Variants in PTGR1 observed in about 807,000 individuals in gnomAD.
The protein encoded by PTGR1 is prostaglandin reductase 1.
PTGR1 carries 23 observed loss-of-function variants against 37.7 expected under a neutral mutation model. The observed-to-expected ratio is 0.61, with a 90% CI of 0.44 to 0.86. PTGR1 has a LOEUF of 0.86. PTGR1 is among the 40% of genes least tolerant of loss of function. The pLI is 0.00. For synonymous variants in PTGR1, 134 were observed against 140.0 expected (o/e 0.96, Z 0.30); for missense variants, 351 against 394.3 (o/e 0.89, Z 0.93).
chr9:111,555,928 TAA>T (rs1373029616), intron 9 of PTGR1, among the ~76,000 whole-genome samples: 20 of 152,288 alleles, frequency 1.3e-4, no homozygotes, highest in African/African-American at 4.8e-4. Context: ...AACAGTCCCT[TAA>T]AGTCTTAACT....
chr9:111,586,390 G>A (rs546619345), intron 4 of PTGR1, among the ~76,000 whole-genome samples: 2 of 152,284 alleles, frequency 1.3e-5, no homozygotes, highest in Admixed American at 1.3e-4. Flanking sequence ...CTCATGGGGT[G>A]AGGAGCGCCT....
At chr9:111,590,837 G>A (rs1394310774) in intron 4 of PTGR1, among the ~76,000 whole-genome samples, 1 of 152,112 alleles carries the variant, frequency 6.6e-6, no homozygotes, top group African/African-American at 2.4e-5. Context: ...AGAATTATTT[G>A]TCATAGAAAA....
chr9:111,565,523 A>G (rs1016919559), intron 9 of PTGR1, among the ~76,000 whole-genome samples: 1 of 152,004 alleles, frequency 6.6e-6, no homozygotes, highest in Non-Finnish European at 1.5e-5. Context: ...TAAAACTTCT[A>G]TTTTTATTTT....
At chr9:111,551,663 A>G (rs376916205) in intron 9 of PTGR1, among the ~76,000 whole-genome samples, 8 of 152,058 alleles carry the variant, frequency 5.3e-5, no homozygotes, top group Non-Finnish European at 7.4e-5. Context: ...CGGCCTCCCA[A>G]AGTGCCGGGA....
At chr9:111,564,604 C>G (rs1828471499) in intron 9 of PTGR1, among the ~76,000 whole-genome samples, 1 of 151,940 alleles carries the variant, frequency 6.6e-6, no homozygotes. Context: ...CTGCGCCTGG[C>G]TGAGATTTGA....
rs189608968 is a variant in PTGR1 at position 111,587,185 on chromosome 9, T to C, written c.210-1020A>G. Among the ~76,000 whole-genome samples the C allele has an allele frequency of 5.3e-5, 8 of 152,266 alleles. No individual in the cohort carries two copies. The East Asian group carries it at 1.5e-3, about 29-fold the overall frequency. ...CTCATTGGTTCCCAGGGTACTGATC[T>C]CTGCTGGCTTTTTGCCTCCTCCTCT... On this transcript the variant is annotated intron_variant, in intron 4 of 9. Transcript: ENST00000407693.
At chr9:111,597,799 C>T (rs988725212) in intron 1 of PTGR1, among the ~76,000 whole-genome samples, 5 of 152,196 alleles carry the variant, frequency 3.3e-5, no homozygotes, top group Non-Finnish European at 5.9e-5. Context: ...GAACAGTTAC[C>T]GGAAGTGCGA....
At position 111,586,054 on chromosome 9, in the gene PTGR1, T is replaced by G. The variant is rs1829419453; in HGVS notation, c.321A>C (p.Thr107=). ...ACAGTGGTATTGTGTCTGGCCACTC[T>G]GTCAGCAGCTTTTCCAGATCTTTCC... ...SDGKDLEKLL[T]EWPDTIPLSL... is the part of the protein sequence containing the mutation. Residue 107 remains threonine (T), a synonymous_variant, in exon 5 of 10, where the codon ACA becomes ACC. Transcript: ENST00000407693. 2 of 1,614,242 alleles carry G rather than the reference T, an allele frequency of 1.2e-6. No homozygotes were observed. Among genetic ancestry groups the G allele is most frequent in the Non-Finnish European group, 8.5e-7 (1 of 1,180,044 alleles).
intron 1 of PTGR1, among the ~76,000 whole-genome samples, chr9:111,598,398 G>C (rs1030371463): frequency 6.6e-6 from 1 of 152,214 alleles, no homozygotes; most frequent in African/African-American, 2.4e-5. Flanking sequence ...GCCGCGGGAG[G>C]GGACACGGTG....
In PTGR1 at chr9:111,585,978, A is replaced by C; in HGVS notation, c.377+20T>G. On this transcript the variant is annotated intron_variant, in intron 5 of 9. Transcript: ENST00000407693. ...GAGTGTCAGACATTCAAACAAATGG[A>C]ATATATCCATGAAACTCACCCTGGC... is the stretch of plus-strand genomic sequence containing the variant. 3 of 1,613,388 alleles carry C rather than the reference A, an allele frequency of 1.9e-6. No individual in the cohort carries two copies. Among genetic ancestry groups the C allele is most frequent in the African/African-American group, 1.3e-5 (1 of 75,022 alleles).
At chr9:111,579,039 C>T in intron 6 of PTGR1, 88 bp from the exon 7 acceptor site, 1 of 1,267,688 alleles carries the variant, frequency 7.9e-7, no homozygotes, top group Non-Finnish European at 1.1e-6. Flanking sequence ...TGCCTAGGTT[C>T]CCTAGGAACA....
At chr9:111,556,531 C>T (rs1206793179) in intron 9 of PTGR1, among the ~76,000 whole-genome samples, 1 of 152,252 alleles carries the variant, frequency 6.6e-6, no homozygotes, top group African/African-American at 2.4e-5. Context: ...CATACATTCT[C>T]TGAAATCTAG....
intron 9 of PTGR1, chr9:111,564,250 C>A: frequency 1.0e-6 from 1 of 1,001,682 alleles, no homozygotes; most frequent in Non-Finnish European, 1.3e-6. Context: ...CAGTCAATTA[C>A]AAAGTAGGGA....
At chr9:111,571,340 A>G (rs930138340) in intron 8 of PTGR1, among the ~76,000 whole-genome samples, 1 of 149,662 alleles carries the variant, frequency 6.7e-6, no homozygotes, top group Non-Finnish European at 1.5e-5. Flanking sequence ...TGAAGTCGGA[A>G]GGGGACTGCA....
chr9:111,593,907 TTTTTC>T (rs1829695801), intron 3 of PTGR1, among the ~76,000 whole-genome samples: 2 of 139,900 alleles, frequency 1.4e-5, no homozygotes, highest in African/African-American at 2.8e-5. Context: ...AGGCTTTATT[TTTTTC>T]TTTTAAGGTT....
At chr9:111,592,347 C>A (rs936172289) in intron 4 of PTGR1, 3 of 152,246 alleles carry the variant, frequency 2.0e-5, no homozygotes, top group African/African-American at 4.8e-5. Context: ...ATTGTAAATT[C>A]TTATCTCTGT....
intron 1 of PTGR1, 53 bp from the exon 2 acceptor site, chr9:111,597,485 A>T: frequency 8.7e-7 from 1 of 1,149,812 alleles, no homozygotes; most frequent in Non-Finnish European, 1.3e-6. Context: ...GCATTCTAAC[A>T]GTTCTCTAGC....
chr9:111,575,314 AAAAT>A (rs1184139723), intron 7 of PTGR1: 1 of 152,540 alleles, frequency 6.6e-6, no homozygotes, highest in East Asian at 1.9e-4. Context: ...GAAAAAAAGA[AAAAT>A]AAATAAACAG....
Position 111,578,850 on chromosome 9 carries a change from CA to C in PTGR1, c.596del (p.Leu199TrpfsTer5), listed in dbSNP as rs1243554696. ...GAGACGCTTTCTTCAAGGTTTCTTC[CA>C]AAGACTCTACCGTCTTGTAGTTAAA... ...VVFNYKTVESLEETLKKASPD... is the reference protein window; with the variant it reads ...VVFNYKTVESXEETLKKASPD... On this transcript the variant is annotated frameshift_variant, in exon 7 of 10. Transcript: ENST00000407693. LOFTEE classifies it high-confidence loss of function. 11 of 1,611,654 alleles carry C rather than the reference CA, an allele frequency of 6.8e-6. No individual in the cohort carries two copies. The highest frequency in any genetic ancestry group is 9.3e-6 in the Non-Finnish European group (11 of 1,179,254).
Sources: allele counts gnomAD v4.1 joint callset (sites outside exome capture counted in the v4.1 genomes callset), GRCh38; gene constraint gnomAD v4.1.1; transcripts MANE v1.5; gene names NCBI Gene and HGNC (gene_info 2026-07-23, HGNC 2026-07-21).